CARMIL1: variants seen among roughly 807,000 people sequenced by gnomAD.
The protein encoded by CARMIL1 is F-actin-uncapping protein LRRC16A.
In CARMIL1, 90 loss-of-function variants were observed where a neutral mutation model predicts 177.1. The ratio of observed to expected loss-of-function variants is 0.51; its 90% CI spans 0.43 to 0.61. The LOEUF (loss-of-function observed/expected upper bound fraction) is 0.61, where lower values mean the gene tolerates loss of function less well. CARMIL1 is among the 20% of genes least tolerant of loss of function. The pLI, the probability that CARMIL1 is intolerant of heterozygous loss-of-function variation, is 0.00. For synonymous variants in CARMIL1, 577 were observed against 606.2 expected (o/e 0.95, Z 0.71); for missense variants, 1,380 against 1,667.0 (o/e 0.83, Z 3.00).
intron 2 of CARMIL1, among the ~76,000 whole-genome samples, chr6:25,400,332 T>C (rs142130322): frequency 5.7e-4 from 87 of 152,342 alleles, no homozygotes; most frequent in African/African-American, 2.0e-3. Context: ...CCATTCTGAC[T>C]GCTTTATCTT....
At chr6:25,359,607 C>T (rs778951698) in intron 2 of CARMIL1, among the ~76,000 whole-genome samples, 21 of 152,246 alleles carry the variant, frequency 1.4e-4, no homozygotes, top group Non-Finnish European at 2.8e-4. Flanking sequence ...ATCCAGCAGC[C>T]TTTGTGCTCC....
At chr6:25,508,982 A>G (rs2151043615) in intron 17 of CARMIL1, among the ~76,000 whole-genome samples, 1 of 152,356 alleles carries the variant, frequency 6.6e-6, no homozygotes, top group South Asian at 2.1e-4. Flanking sequence ...TCTCTTTTAA[A>G]TAAAATTGCA....
intron 17 of CARMIL1, among the ~76,000 whole-genome samples, chr6:25,504,801 C>T (rs922764292): frequency 2.0e-5 from 3 of 152,164 alleles, no homozygotes; most frequent in African/African-American, 2.4e-5. Flanking sequence ...GTGAGCCAAG[C>T]GTGAGCACTT....
In CARMIL1 at chr6:25,465,934, A is replaced by G. The variant is rs1800558929; in HGVS notation, c.676A>G (p.Lys226Glu). ...YNQWFTKLSS[K>E]DLKLSTDVCE... is the part of the protein sequence containing the mutation. ...TCAGTGGTTCACAAAACTGTCCTCT[A>G]AGGATCTAAAACTGGTAAGTAATCA... Residue 226 changes from lysine (K) to glutamate (E), a missense_variant, in exon 9 of 37, where the codon AAG (lysine) becomes GAG (glutamate). Lys to Glu is a moderately conservative substitution (Grantham distance 56). Coordinates refer to ENST00000329474, the MANE Select transcript of CARMIL1 (RefSeq NM_017640.6). The G allele has an allele frequency of 6.2e-7, 1 of 1,608,846 alleles. No homozygotes were observed. Among genetic ancestry groups the G allele is most frequent in the Non-Finnish European group, 8.5e-7 (1 of 1,175,336 alleles).
intron 2 of CARMIL1, among the ~76,000 whole-genome samples, chr6:25,291,617 G>A (rs1022626300): frequency 2.6e-5 from 4 of 152,078 alleles, no homozygotes; most frequent in Non-Finnish European, 2.9e-5. Context: ...GCCTTGGCCA[G>A]TGGTTTTCAG....
At chr6:25,309,066 A>G (rs1783529652) in intron 2 of CARMIL1, among the ~76,000 whole-genome samples, 1 of 151,924 alleles carries the variant, frequency 6.6e-6, no homozygotes, top group South Asian at 2.1e-4. Context: ...TTTTATTTTG[A>G]AAATGGAGAC....
At chr6:25,579,977 C>A (rs894174238) in intron 29 of CARMIL1, among the ~76,000 whole-genome samples, 1 of 152,056 alleles carries the variant, frequency 6.6e-6, no homozygotes, top group Non-Finnish European at 1.5e-5. Context: ...GTTATGTTAC[C>A]TCTTAGTTTA....
chr6:25,566,268 A>T (rs985894264), intron 29 of CARMIL1, among the ~76,000 whole-genome samples: 1 of 152,214 alleles, frequency 6.6e-6, no homozygotes, highest in African/African-American at 2.4e-5. Context: ...ATAGCTTCAC[A>T]TTGTACCCAG....
intron 2 of CARMIL1, among the ~76,000 whole-genome samples, chr6:25,297,240 A>C (rs1280040787): frequency 6.6e-6 from 1 of 152,242 alleles, no homozygotes; most frequent in Non-Finnish European, 1.5e-5. Context: ...GATAATCAAA[A>C]CTAGGCTGCA....
chr6:25,552,558 T>G (rs1265411660), intron 27 of CARMIL1, among the ~76,000 whole-genome samples: 3 of 152,178 alleles, frequency 2.0e-5, no homozygotes, highest in Admixed American at 2.0e-4. Context: ...AATATGCACA[T>G]TTGCATGGGC....
At position 25,387,114 on chromosome 6, in the gene CARMIL1, C is replaced by CAAAAAAAAAAAAAAAAAAA. The variant is rs377548646; in HGVS notation, c.139-32999_139-32981dup. On this transcript the variant is annotated intron_variant, in intron 2 of 36. Coordinates refer to ENST00000329474, the MANE Select transcript of CARMIL1 (RefSeq NM_017640.6). ...GGGTGACAGAGTGAGACTCTGTCTC[C>CAAAAAAAAAAAAAAAAAAA]AAAAAAAAAAAAAAAAAAATCACAA... 5.7e-4 allele frequency among the ~76,000 whole-genome samples: 58 copies of CAAAAAAAAAAAAAAAAAAA among 101,900 alleles called. 3 individuals carry two copies. The highest frequency in any genetic ancestry group is 5.7e-3 in the Middle Eastern group (1 of 174). The allele number at this position is 101,900 out of a possible 152,430, so 66.9% of individuals were successfully genotyped here. A position where few individuals can be genotyped will look rare whatever the true frequency, so the allele number is the denominator to read the frequency against.
intron 17 of CARMIL1, among the ~76,000 whole-genome samples, chr6:25,505,199 T>G (rs1804791679): frequency 6.6e-6 from 1 of 152,208 alleles, no homozygotes; most frequent in South Asian, 2.1e-4. Context: ...GAAACCTGAT[T>G]TTTTGATGCA....
At chr6:25,446,244 C>A (rs1286006946) in intron 5 of CARMIL1, among the ~76,000 whole-genome samples, 2 of 152,156 alleles carry the variant, frequency 1.3e-5, no homozygotes, top group Non-Finnish European at 2.9e-5. Context: ...TTGACTTCTC[C>A]CTAGCTAAGA....
At chr6:25,395,123 A>T (rs945896931) in intron 2 of CARMIL1, among the ~76,000 whole-genome samples, 2 of 152,166 alleles carry the variant, frequency 1.3e-5, no homozygotes, top group African/African-American at 4.8e-5. Context: ...CCTACTGGGG[A>T]CTAGGAGCTC....
chr6:25,459,475 C>T (rs1799953837), intron 8 of CARMIL1, among the ~76,000 whole-genome samples: 1 of 151,450 alleles, frequency 6.6e-6, no homozygotes, highest in South Asian at 2.1e-4. Context: ...TGGTCATGAA[C>T]TCCTGGGCAA....
intron 5 of CARMIL1, among the ~76,000 whole-genome samples, chr6:25,436,048 A>G (rs1433272689): frequency 6.6e-6 from 1 of 152,164 alleles, no homozygotes; most frequent in African/African-American, 2.4e-5. Context: ...AAAAAATTGA[A>G]TGTAAAAATC....
Position 25,554,012 on chromosome 6 carries a change from A to G in CARMIL1, c.2508A>G (p.Glu836=). The change falls in exon 28 of 37, where the codon GAA becomes GAG. Residue 836 remains glutamate, a synonymous_variant. Transcript: ENST00000329474. This position sits in a 1 kb window ranked among gnomAD's most constrained non-coding sequence, Gnocchi z 4.6. ...SGIDILNKIS[E]VKLTVASFLS... ...TGTCCTTTTGATTTTCACACAGTGA[A>G]GTAAAATTGACAGTGGCCTCGTTCC... The G allele has an allele frequency of 6.3e-7, 1 of 1,592,460 alleles. No homozygotes were observed. The highest frequency in any genetic ancestry group is 1.1e-5 in the South Asian group (1 of 87,356).
intron 24 of CARMIL1, among the ~76,000 whole-genome samples, chr6:25,529,643 A>C (rs1807521206): frequency 8.2e-6 from 1 of 121,854 alleles, no homozygotes; most frequent in African/African-American, 3.1e-5. Flanking sequence ...TCCATAAAAT[A>C]AGAATAGGCT....
At position 25,551,075 on chromosome 6, in the gene CARMIL1, A is replaced by C; in HGVS notation, c.2494A>C (p.Asn832His). The change falls in exon 27 of 37, where the codon AAC becomes CAC. Residue 832 changes from asparagine (N) to histidine (H), a missense_variant. Transcript: ENST00000329474. ...GGAGCAGTCTGGAATTGATATCCTTAACAAAATTAGGTAGGTTTATAATGT... is the reference window on the plus strand; with the variant it reads ...GGAGCAGTCTGGAATTGATATCCTTCACAAAATTAGGTAGGTTTATAATGT... Reference protein sequence around the residue: ...LLEQSGIDILNKISEVKLTVA... With the variant: ...LLEQSGIDILHKISEVKLTVA... 6.2e-7 allele frequency: 1 copy of C among 1,612,474 alleles called. No individual in the cohort carries two copies. The highest frequency in any genetic ancestry group is 1.3e-5 in the African/African-American group (1 of 74,916).
Sources: allele counts gnomAD v4.1 joint callset (sites outside exome capture counted in the v4.1 genomes callset), GRCh38; gene constraint gnomAD v4.1.1; non-coding constraint Gnocchi (gnomAD v3.1); transcripts MANE v1.5; gene names NCBI Gene and HGNC (gene_info 2026-07-23, HGNC 2026-07-21).